The following SNTG1 variants were observed in gnomAD, a reference collection of about 807,000 sequenced individuals.
SNTG1 encodes gamma-1-syntrophin.
In SNTG1, 39 loss-of-function variants were observed where a neutral mutation model predicts 74.7. The observed-to-expected ratio is 0.52, with a 90% CI of 0.40 to 0.68. SNTG1 has a LOEUF of 0.68. Ranked by LOEUF, SNTG1 falls within the 30% of genes least tolerant of loss-of-function variation. The probability of loss-of-function intolerance (pLI) is 0.00; values close to 1 mark genes in which losing one functional copy is unlikely to be tolerated. For missense variants in SNTG1, 685 were observed against 609.5 expected, an observed-to-expected ratio of 1.12 and a Z score of -1.30; for synonymous variants, 254 against 217.1, an observed-to-expected ratio of 1.17 and a Z score of -1.49.
intron 1 of SNTG1, among the ~76,000 whole-genome samples, chr8:50,007,499 G>A (rs1282574330): frequency 6.6e-6 from 1 of 152,126 alleles, no homozygotes; most frequent in Non-Finnish European, 1.5e-5. Context: ...AACTGGAGGG[G>A]AAAATAAAGA....
At chr8:50,312,128 G>T (rs2130757743) in intron 2 of SNTG1, among the ~76,000 whole-genome samples, 1 of 152,158 alleles carries the variant, frequency 6.6e-6, no homozygotes, top group Admixed American at 6.5e-5. Context: ...GTCTGCTCTG[G>T]GTTTCACTGT....
At chr8:50,733,938 T>C (rs2095519255) in intron 17 of SNTG1, among the ~76,000 whole-genome samples, 1 of 151,872 alleles carries the variant, frequency 6.6e-6, no homozygotes, top group Admixed American at 6.6e-5. Flanking sequence ...TAGGACTTCA[T>C]ATATTTCCAA....
rs149921148 is a variant in SNTG1 at position 50,448,800 on chromosome 8, C to T, written c.220-868C>T. On this transcript the variant is annotated intron_variant, in intron 5 of 18. Transcript: ENST00000642720. ...CTGTAATCCCAGCACTTTGGGATGC[C>T]GAGGCAGTTGGATCACGAGGTCAGG... is the stretch of plus-strand genomic sequence containing the variant. Among the ~76,000 whole-genome samples the T allele has an allele frequency of 1.6e-4, 25 of 152,086 alleles. No individual in the cohort carries two copies. In the East Asian group the frequency reaches 2.9e-3, roughly 18 times the overall value.
intron 18 of SNTG1, among the ~76,000 whole-genome samples, chr8:50,756,056 G>C (rs544012212): frequency 2.7e-5 from 4 of 149,468 alleles, no homozygotes; most frequent in Non-Finnish European, 5.9e-5. Context: ...TATATTCTTT[G>C]GTAAGGTATC....
chr8:50,025,370 A>G (rs1817177932), intron 1 of SNTG1, among the ~76,000 whole-genome samples: 2 of 152,148 alleles, frequency 1.3e-5, no homozygotes, highest in African/African-American at 2.4e-5. Flanking sequence ...CATGCATTCA[A>G]TTGTGTCTGC....
chr8:50,530,493 G>A (rs531459371), intron 10 of SNTG1, among the ~76,000 whole-genome samples: 2 of 152,162 alleles, frequency 1.3e-5, no homozygotes, highest in African/African-American at 4.8e-5. Context: ...TATTAACTTG[G>A]GGATGTCACT....
At chr8:50,119,021 G>A (rs1453841794) in intron 1 of SNTG1, among the ~76,000 whole-genome samples, 4 of 140,510 alleles carry the variant, frequency 2.8e-5, no homozygotes, top group African/African-American at 1.0e-4. Context: ...TGAAGCTTTG[G>A]CCCTCCAAAC....
intron 1 of SNTG1, among the ~76,000 whole-genome samples, chr8:50,118,887 G>T (rs2080911062): frequency 7.1e-6 from 1 of 141,040 alleles, no homozygotes; most frequent in African/African-American, 2.6e-5. Context: ...AGAGTAATGG[G>T]ATCTAGAACT....
At chr8:49,970,610 T>C (rs1165931807) in intron 1 of SNTG1, among the ~76,000 whole-genome samples, 1 of 152,208 alleles carries the variant, frequency 6.6e-6, no homozygotes, top group East Asian at 1.9e-4. Context: ...TTATTTGTCC[T>C]CTATTCCATA....
intron 1 of SNTG1, among the ~76,000 whole-genome samples, chr8:49,964,619 T>C (rs1810979506): frequency 6.6e-6 from 1 of 152,232 alleles, no homozygotes. Context: ...AGTCCTTCTT[T>C]CTTCCCATGT....
intron 18 of SNTG1, among the ~76,000 whole-genome samples, chr8:50,777,143 C>T (rs1046830279): frequency 9.3e-5 from 14 of 150,858 alleles, no homozygotes; most frequent in Admixed American, 2.7e-4. Flanking sequence ...AATGAATTTT[C>T]GCTATTACGT....
chr8:50,456,186 C>A (rs1019642977), intron 8 of SNTG1, among the ~76,000 whole-genome samples: 6 of 152,214 alleles, frequency 3.9e-5, no homozygotes, highest in Non-Finnish European at 7.3e-5. Context: ...TACATCCAGA[C>A]AGCACAGGTG....
intron 2 of SNTG1, among the ~76,000 whole-genome samples, chr8:50,305,905 A>AT (rs2089872675): frequency 8.1e-6 from 1 of 122,880 alleles, no homozygotes; most frequent in Admixed American, 7.3e-5. Context: ...TATTTATTTA[A>AT]AAAAAAAAAA....
chr8:50,414,215 C>T (rs2092986556), intron 4 of SNTG1, among the ~76,000 whole-genome samples: 1 of 152,132 alleles, frequency 6.6e-6, no homozygotes. Flanking sequence ...TTAGTTCTTT[C>T]AGGTGAAGGG....
intron 2 of SNTG1, among the ~76,000 whole-genome samples, chr8:50,189,028 C>G (rs147673529): frequency 6.6e-6 from 1 of 152,182 alleles, no homozygotes; most frequent in East Asian, 1.9e-4. Flanking sequence ...GTAAATGGGC[C>G]AGAGAAGCAT....
intron 1 of SNTG1, among the ~76,000 whole-genome samples, chr8:50,035,829 C>A (rs1585991858): frequency 6.6e-6 from 1 of 152,048 alleles, no homozygotes; most frequent in South Asian, 2.1e-4. Flanking sequence ...GCATGGAGGG[C>A]CAGATGGTGT....
At chr8:50,237,772 A>G (rs1334753088) in intron 2 of SNTG1, among the ~76,000 whole-genome samples, 2 of 152,128 alleles carry the variant, frequency 1.3e-5, no homozygotes, top group South Asian at 2.1e-4. Flanking sequence ...TCCTGAGTCT[A>G]TATAATATAT....
At chr8:50,577,133 G>A (rs1052747799) in intron 12 of SNTG1, among the ~76,000 whole-genome samples, 1 of 152,072 alleles carries the variant, frequency 6.6e-6, no homozygotes, top group Non-Finnish European at 1.5e-5. Context: ...CTTATGTTCC[G>A]TTAAGGTAGT....
At chr8:50,608,596 A>G (rs1462536526) in intron 13 of SNTG1, among the ~76,000 whole-genome samples, 1 of 151,856 alleles carries the variant, frequency 6.6e-6, no homozygotes, top group Non-Finnish European at 1.5e-5. Context: ...ATGGTAAATC[A>G]AATGCACATT....
Sources: allele counts gnomAD v4.1 joint callset (sites outside exome capture counted in the v4.1 genomes callset), GRCh38; gene constraint gnomAD v4.1.1; transcripts MANE v1.5; gene names NCBI Gene and HGNC (gene_info 2026-07-23, HGNC 2026-07-21).